PRKAR1B: variants seen among roughly 807,000 people sequenced by gnomAD.
PRKAR1B encodes protein kinase cAMP-dependent type I regulatory subunit beta.
PRKAR1B carries 22 observed loss-of-function variants against 46.5 expected under a neutral mutation model. The observed-to-expected ratio is 0.47, with a 90% CI of 0.34 to 0.68. The LOEUF (loss-of-function observed/expected upper bound fraction) is 0.68. PRKAR1B is among the 30% of genes least tolerant of loss of function. The probability of loss-of-function intolerance (pLI) is 0.01; values close to 1 mark genes in which losing one functional copy is unlikely to be tolerated. For missense variants in PRKAR1B, 445 were observed against 535.6 expected, an observed-to-expected ratio of 0.83 and a Z score of 1.67; for synonymous variants, 259 against 217.7, an observed-to-expected ratio of 1.19 and a Z score of -1.67.
intron 6 of PRKAR1B, among the ~76,000 whole-genome samples, chr7:601,108 A>G (rs966869960): frequency 5.9e-5 from 9 of 152,188 alleles, no homozygotes; most frequent in Non-Finnish European, 1.2e-4. Flanking sequence ...GGCCAGGGCC[A>G]GGTCCTTGAG....
At chr7:570,623 G>A (rs528152844) in intron 9 of PRKAR1B, among the ~76,000 whole-genome samples, 129 of 152,010 alleles carry the variant, frequency 8.5e-4, no homozygotes, top group African/African-American at 2.6e-3. Context: ...TGGTTTATTC[G>A]CCACGTGGCA....
chr7:696,622 T>C (rs1779755190), intron 2 of PRKAR1B: 2 of 152,210 alleles, frequency 1.3e-5, no homozygotes, highest in South Asian at 4.1e-4. Flanking sequence ...GTTTACTTCA[T>C]AGAGGAGAGA....
At chr7:586,796 G>A (rs1237934376) in intron 7 of PRKAR1B, among the ~76,000 whole-genome samples, 1 of 152,116 alleles carries the variant, frequency 6.6e-6, no homozygotes, top group East Asian at 1.9e-4. Context: ...AGTCCTGCAG[G>A]CGGCTGGCAT....
intron 6 of PRKAR1B, among the ~76,000 whole-genome samples, chr7:601,268 A>G (rs1454744656): frequency 6.6e-6 from 1 of 152,208 alleles, no homozygotes; most frequent in East Asian, 1.9e-4. Context: ...GTAGTCCTGC[A>G]GCCCCGAACC....
chr7:666,818 G>A lies in PRKAR1B; in HGVS notation c.440+10411C>T, dbSNP rs535751321. On this transcript the variant is annotated intron_variant, in intron 4 of 10. Coordinates refer to ENST00000537384, the MANE Select transcript of PRKAR1B (RefSeq NM_001164760.2). The surrounding 1 kb of genome is among the most constrained non-coding windows in gnomAD (Gnocchi z 4.9). ...AAGTACTGAGTGGGGCCTGACTGCG[G>A]GGTCTGTCTGGATAGCCGGGCCAGC... Among the ~76,000 whole-genome samples the A allele has an allele frequency of 6.6e-6, 1 of 152,346 alleles. No individual in the cohort carries two copies. The highest frequency in any genetic ancestry group is 1.9e-4 in the East Asian group (1 of 5,184).
chr7:570,522 C>T (rs922404285), intron 9 of PRKAR1B, among the ~76,000 whole-genome samples: 1 of 152,122 alleles, frequency 6.6e-6, no homozygotes, highest in Non-Finnish European at 1.5e-5. Flanking sequence ...CCCGTCCCCC[C>T]ACTGCCTGCC....
intron 4 of PRKAR1B, among the ~76,000 whole-genome samples, chr7:647,901 C>T (rs1020045821): frequency 6.6e-6 from 1 of 151,634 alleles, no homozygotes. Flanking sequence ...TGGCTCACAC[C>T]TGTAATCCGG....
chr7:578,121 C>T (rs908933336), intron 9 of PRKAR1B, among the ~76,000 whole-genome samples: 3 of 152,224 alleles, frequency 2.0e-5, no homozygotes, highest in Non-Finnish European at 4.4e-5. Context: ...GGCTTGCACC[C>T]TGGCCCTGTT....
chr7:562,932 C>A lies in PRKAR1B; in HGVS notation c.892-11462G>T, dbSNP rs143420927. ...CCATTTCAGCTGTTGCTTTCTCAGC[C>A]AAGTCTCAATCTTTGGATGAACAGA... On this transcript the variant is annotated intron_variant, in intron 9 of 10. Transcript: ENST00000537384. 4.4e-4 allele frequency among the ~76,000 whole-genome samples: 67 copies of A among 152,222 alleles called. 1 individual carries two copies. The highest frequency in any genetic ancestry group is 1.6e-3 in the African/African-American group (65 of 41,470).
At chr7:641,165 G>A (rs968799859) in intron 4 of PRKAR1B, among the ~76,000 whole-genome samples, 6 of 152,064 alleles carry the variant, frequency 3.9e-5, no homozygotes, top group Non-Finnish European at 8.8e-5. Flanking sequence ...TGTTGGCCAG[G>A]ATGGTCTCCA....
chr7:724,037 C>G (rs1781165527), intron 1 of PRKAR1B, among the ~76,000 whole-genome samples: 1 of 152,182 alleles, frequency 6.6e-6, no homozygotes, highest in Non-Finnish European at 1.5e-5. Flanking sequence ...CTCATGACCT[C>G]ATCTCACCTC....
chr7:673,045 TAAAAAAAAAAAAAAAAAA>T (rs992683667), intron 4 of PRKAR1B, among the ~76,000 whole-genome samples: 19 of 26,544 alleles, frequency 7.2e-4, no homozygotes, highest in South Asian at 7.3e-3. Context: ...GCCTTGTCTT[TAAAAAAAAAAAAAAAAAA>T]AAAAAAAAAA....
intron 7 of PRKAR1B, among the ~76,000 whole-genome samples, chr7:587,122 C>T (rs557303210): frequency 2.6e-5 from 4 of 152,198 alleles, no homozygotes; most frequent in Middle Eastern, 3.4e-3. Context: ...TTCTAAGCAA[C>T]GTATGTAGGA....
At position 617,284 on chromosome 7, in the gene PRKAR1B, C is replaced by T. The variant is rs537069951; in HGVS notation, c.441-9832G>A. Reference sequence around the variant, plus strand: ...CTGGGATTACAGGTGTGAGGCACCACGCAGGACCAAGTGCCTTTTTTTTTT... The same window carrying T: ...CTGGGATTACAGGTGTGAGGCACCATGCAGGACCAAGTGCCTTTTTTTTTT... On this transcript the variant is annotated intron_variant, in intron 4 of 10. Coordinates refer to ENST00000537384, the MANE Select transcript of PRKAR1B (RefSeq NM_001164760.2). Among the ~76,000 whole-genome samples the T allele has an allele frequency of 7.1e-4, 106 of 148,786 alleles. 1 individual carries two copies. The highest frequency in any genetic ancestry group is 2.8e-3 in the Admixed American group (42 of 14,804).
intron 4 of PRKAR1B, among the ~76,000 whole-genome samples, chr7:609,138 C>G (rs1327205691): frequency 1.3e-5 from 2 of 152,126 alleles, no homozygotes; most frequent in African/African-American, 2.4e-5. Flanking sequence ...GCTGCCCCAG[C>G]CCCAGTCCCG....
chr7:698,738 G>C (rs559675649), intron 2 of PRKAR1B, among the ~76,000 whole-genome samples: 16 of 152,094 alleles, frequency 1.1e-4, no homozygotes, highest in African/African-American at 3.9e-4. Flanking sequence ...GTGTTTTAAT[G>C]CATGTGCACA....
In PRKAR1B at chr7:680,564, C is replaced by T. The variant is rs1216190199; in HGVS notation, c.340G>A (p.Val114Ile). 5.6e-6 allele frequency: 9 copies of T among 1,608,844 alleles called. No homozygotes were observed. Among genetic ancestry groups the T allele is most frequent in the East Asian group, 2.2e-5 (1 of 44,592 alleles). ...VYTEEDAVSYVRKVIPKDYKT... is the reference protein window; with the variant it reads ...VYTEEDAVSYIRKVIPKDYKT... Reference sequence around the variant, plus strand: ...TGACCCGTGAGCCTCACCTTCCTGACGTAGGACACGGCGTCCTCCTCGGTG... The same window carrying T: ...TGACCCGTGAGCCTCACCTTCCTGATGTAGGACACGGCGTCCTCCTCGGTG... Residue 114 changes from valine (V) to isoleucine (I), a missense_variant, in exon 3 of 11, where the codon GTC (valine) becomes ATC (isoleucine). Val to Ile is a conservative substitution (Grantham distance 29, BLOSUM62 3). This residue lies in a region of PRKAR1B where 94 missense variants were observed against 126.9 expected (regional missense o/e 0.74). Coordinates refer to ENST00000537384, the MANE Select transcript of PRKAR1B (RefSeq NM_001164760.2).
chr7:686,982 A>T (rs1280371332), intron 2 of PRKAR1B, among the ~76,000 whole-genome samples: 3 of 152,218 alleles, frequency 2.0e-5, no homozygotes, highest in African/African-American at 7.2e-5. Flanking sequence ...AGAAAGAAAG[A>T]TGAGCTGGGA....
At chr7:622,853 T>C (rs1483448288) in intron 4 of PRKAR1B, among the ~76,000 whole-genome samples, 3 of 152,236 alleles carry the variant, frequency 2.0e-5, no homozygotes, top group Non-Finnish European at 4.4e-5. Flanking sequence ...CATGACGCTA[T>C]CCAGGGGGAA....
Sources: gnomAD v4.1 joint callset for allele counts (sites outside exome capture counted in the v4.1 genomes callset) on GRCh38, gnomAD v4.1.1 for gene constraint, gnomAD v4.1.1 regional missense constraint, Gnocchi (gnomAD v3.1) non-coding constraint, MANE v1.5 for transcripts, NCBI Gene and HGNC (gene_info 2026-07-23, HGNC 2026-07-21) for gene names.